SULF2: variants seen among roughly 807,000 people sequenced by gnomAD.
SULF2 encodes sulfatase 2, also known as extracellular sulfatase Sulf-2.
A neutral mutation model predicts 107.7 loss-of-function variants in SULF2; 52 were observed. The ratio of observed to expected loss-of-function variants is 0.48; its 90% CI spans 0.39 to 0.61. The LOEUF (loss-of-function observed/expected upper bound fraction) is 0.61. SULF2 is among the 20% of genes least tolerant of loss of function. SULF2 has a pLI of 0.00. For missense variants in SULF2, 993 were observed against 1,177.3 expected, an observed-to-expected ratio of 0.84 and a Z score of 2.29; for synonymous variants, 460 against 464.3, an observed-to-expected ratio of 0.99 and a Z score of 0.12.
At chr20:47,777,667 G>C (rs1181744442) in intron 1 of SULF2, among the ~76,000 whole-genome samples, 2 of 152,124 alleles carry the variant, frequency 1.3e-5, no homozygotes, top group African/African-American at 2.4e-5. Flanking sequence ...AGGACTCTAA[G>C]CTACTAAGAA....
At chr20:47,784,870 C>A (rs979938452) in intron 1 of SULF2, among the ~76,000 whole-genome samples, 4 of 152,192 alleles carry the variant, frequency 2.6e-5, no homozygotes, top group African/African-American at 9.6e-5. Flanking sequence ...TCGGTGTCTG[C>A]GAGTTTCCAA....
rs1352345214 is a variant in SULF2 at position 47,745,391 on chromosome 20, AAAAAAAAAAAAAAAAAAAAATATATAT to A, written c.176-8476_176-8450del. Among the ~76,000 whole-genome samples the A allele has an allele frequency of 2.2e-4, 3 of 13,818 alleles. No individual in the cohort carries two copies. The African/African-American group carries it at 2.7e-3, about 13-fold the overall frequency. 9.1% of individuals were successfully genotyped at this position (13,818 alleles called of 152,430 possible). On this transcript the variant is annotated intron_variant, in intron 2 of 20. Coordinates refer to ENST00000688720, the MANE Select transcript of SULF2 (RefSeq NM_001387048.1). Reference sequence around the variant, plus strand: ...GTTCTGAGTTTTGAGGGAAAAAAAAAAAAAAAAAAAAAAAAAAAAATATATATATATATATATATATATATATATATA... The same window carrying A: ...GTTCTGAGTTTTGAGGGAAAAAAAAAATATATATATATATATATATATATA...
chr20:47,707,125 G>A (rs1286035485), intron 3 of SULF2, among the ~76,000 whole-genome samples: 2 of 151,934 alleles, frequency 1.3e-5, no homozygotes, highest in African/African-American at 2.4e-5. Context: ...GAGTAGCTGG[G>A]ATTACAGGCA....
At chr20:47,758,978 G>A (rs74591874) in intron 1 of SULF2, among the ~76,000 whole-genome samples, 1,756 of 152,268 alleles carry the variant, frequency 0.012, 41 homozygotes, top group African/African-American at 0.041. Flanking sequence ...CTCTCCTGGG[G>A]ACTGCAAGGT....
chr20:47,785,677 G>GC (rs2090919654), upstream of SULF2, among the ~76,000 whole-genome samples: 1 of 146,542 alleles, frequency 6.8e-6, no homozygotes, highest in Non-Finnish European at 1.5e-5. Flanking sequence ...CGGCGCTACC[G>GC]CCCCCCGCTC....
chr20:47,768,054 G>A (rs374795128), intron 1 of SULF2, among the ~76,000 whole-genome samples: 8 of 152,336 alleles, frequency 5.3e-5, no homozygotes, highest in East Asian at 3.9e-4. Flanking sequence ...CCTTGCCTCA[G>A]TGACGGGCCA....
At chr20:47,713,237 T>C (rs1208309654) in intron 3 of SULF2, among the ~76,000 whole-genome samples, 1 of 152,114 alleles carries the variant, frequency 6.6e-6, no homozygotes, top group Non-Finnish European at 1.5e-5. Context: ...GGAGACATTT[T>C]TCACTGCTAT....
chr20:47,781,211 G>A (rs1160592022), intron 1 of SULF2, among the ~76,000 whole-genome samples: 1 of 152,250 alleles, frequency 6.6e-6, no homozygotes, highest in African/African-American at 2.4e-5. Flanking sequence ...CATTGCCCAG[G>A]CAGCGTGTTT....
At chr20:47,744,659 C>T (rs1464449362) in intron 2 of SULF2, among the ~76,000 whole-genome samples, 1 of 152,130 alleles carries the variant, frequency 6.6e-6, no homozygotes, top group East Asian at 1.9e-4. Flanking sequence ...CTGCCTTGGC[C>T]TCCCAGTGTT....
intron 4 of SULF2, among the ~76,000 whole-genome samples, chr20:47,697,866 T>TA (rs1248825132): frequency 6.6e-6 from 1 of 152,188 alleles, no homozygotes; most frequent in Non-Finnish European, 1.5e-5. Context: ...TGAAGAATTT[T>TA]AAAAAGGAGG....
At chr20:47,770,778 G>A (rs75691916) in intron 1 of SULF2, among the ~76,000 whole-genome samples, 2,520 of 152,196 alleles carry the variant, frequency 0.017, 34 homozygotes, top group Non-Finnish European at 0.026. Context: ...GAGGGGCTGC[G>A]GAGTGGGCAC....
At chr20:47,700,827 G>C (rs942013968) in intron 4 of SULF2, among the ~76,000 whole-genome samples, 1 of 151,996 alleles carries the variant, frequency 6.6e-6, no homozygotes, top group Admixed American at 6.6e-5. Context: ...TGTATTCTTA[G>C]TGGAGACGGG....
Position 47,773,856 on chromosome 20 carries a change from C to T in SULF2, c.-101+11487G>A, listed in dbSNP as rs527814641. Among the ~76,000 whole-genome samples, 221 of 152,342 alleles carry T rather than the reference C, an allele frequency of 1.5e-3. 2 individuals are homozygous for T. Among genetic ancestry groups the T allele is most frequent in the Middle Eastern group, 6.8e-3 (2 of 294 alleles). ...CCCACATTTTCTTAGCCCTGCTTACCCCCACAGAACATGTATTTATGTTTC... is the reference window on the plus strand; with the variant it reads ...CCCACATTTTCTTAGCCCTGCTTACTCCCACAGAACATGTATTTATGTTTC... On this transcript the variant is annotated intron_variant, in intron 1 of 20. Transcript: ENST00000688720.
chr20:47,784,869 G>A (rs376360064), intron 1 of SULF2, among the ~76,000 whole-genome samples: 106 of 152,316 alleles, frequency 7.0e-4, no homozygotes, highest in Middle Eastern at 3.4e-3. Flanking sequence ...TTCGGTGTCT[G>A]CGAGTTTCCA....
intron 1 of SULF2, among the ~76,000 whole-genome samples, chr20:47,781,672 G>A (rs1251745286): frequency 6.6e-6 from 1 of 152,126 alleles, no homozygotes; most frequent in East Asian, 1.9e-4. Flanking sequence ...GCCCTGCTAA[G>A]CACTTGACAT....
At chr20:47,779,831 T>G (rs1412845234) in intron 1 of SULF2, among the ~76,000 whole-genome samples, 2 of 152,154 alleles carry the variant, frequency 1.3e-5, no homozygotes, top group Admixed American at 1.3e-4. Context: ...AGTCTTGAAC[T>G]CCTGACCTCA....
intron 3 of SULF2, among the ~76,000 whole-genome samples, chr20:47,714,032 G>A (rs1021345421): frequency 3.9e-5 from 6 of 152,130 alleles, no homozygotes; most frequent in African/African-American, 1.4e-4. Context: ...GCGCGGAGCC[G>A]AGCCAATGAC....
At chr20:47,739,270 C>G (rs1418863004) in intron 2 of SULF2, among the ~76,000 whole-genome samples, 1 of 152,106 alleles carries the variant, frequency 6.6e-6, no homozygotes, top group East Asian at 1.9e-4. Flanking sequence ...TCCCAATCAC[C>G]TAGCAACCCC....
chr20:47,675,404 C>T (rs2087609197), intron 10 of SULF2, among the ~76,000 whole-genome samples: 1 of 152,116 alleles, frequency 6.6e-6, no homozygotes, highest in Non-Finnish European at 1.5e-5. Flanking sequence ...ACAGCTCCTG[C>T]CCGGTGGCAG....
Sources: gnomAD v4.1 joint callset for allele counts (sites outside exome capture counted in the v4.1 genomes callset) on GRCh38, gnomAD v4.1.1 for gene constraint, MANE v1.5 for transcripts, NCBI Gene and HGNC (gene_info 2026-07-23, HGNC 2026-07-21) for gene names.